Variants in VGLL2 observed in about 807,000 individuals in gnomAD.
VGLL2 encodes transcription cofactor vestigial-like protein 2.
VGLL2 carries 18 observed loss-of-function variants against 27.0 expected under a neutral mutation model. The observed-to-expected ratio is 0.67, with a 90% confidence interval of 0.46 to 0.99. The LOEUF is 0.99. Ranked by LOEUF, VGLL2 falls within the 50% of genes least tolerant of loss-of-function variation. VGLL2 has a pLI of 0.00. For missense variants in VGLL2, 491 were observed against 452.3 expected (o/e 1.09, Z -0.78); for synonymous variants, 220 against 201.1 (o/e 1.09, Z -0.80).
In VGLL2 at chr6:117,270,937, C is replaced by T. The variant is rs2128517291; in HGVS notation, c.786C>T (p.Pro262=). 1.6e-6 allele frequency: 2 copies of T among 1,240,108 alleles called. No homozygotes were observed. The highest frequency in any genetic ancestry group is 3.3e-5 in the East Asian group (1 of 30,098). 76.8% of individuals were successfully genotyped at this position (1,240,108 alleles called of 1,614,324 possible). Residue 262 remains proline, a synonymous_variant, in exon 3 of 4, where the codon CCC becomes CCT. Transcript: ENST00000326274. The part of the protein sequence containing the change: ...ARLATAPAPA[P]GSPPCELSGK... ...TCGCAACCGCCCCGGCGCCCGCGCC[C>T]GGCAGTCCTCCCTGCGAGCTCTCCG...
intron 1 of VGLL2, 42 bp downstream of exon 1, chr6:117,265,886 C>A (rs1422460322): frequency 2.5e-6 from 4 of 1,577,750 alleles, no homozygotes; most frequent in Non-Finnish European, 3.5e-6. Context: ...AGTGCGCGCC[C>A]CCCGTTTGCG....
At chr6:117,267,882 G>A (rs1437450915) in intron 1 of VGLL2, among the ~76,000 whole-genome samples, 3 of 152,156 alleles carry the variant, frequency 2.0e-5, no homozygotes, top group Non-Finnish European at 1.5e-5. Flanking sequence ...TCTAAACCTA[G>A]CTGCTTAGGT....
In VGLL2 at chr6:117,272,671, C is replaced by A; in HGVS notation, c.*177C>A. The A allele has an allele frequency of 1.2e-6, 1 of 860,970 alleles. No individual in the cohort carries two copies. Among genetic ancestry groups the A allele is most frequent in the Non-Finnish European group, 1.8e-6 (1 of 569,822 alleles). The allele number at this position is 860,970 out of a possible 1,614,324, so 53.3% of individuals were successfully genotyped here. A position where few individuals can be genotyped will look rare whatever the true frequency, so the allele number is the denominator to read the frequency against. ...GAAATTCATCTAAAAATAAGTCCTG[C>A]TGCTGAAAGAGCAAATCCAAAGACT... On this transcript the variant is annotated 3_prime_UTR_variant, in exon 4 of 4. Coordinates refer to ENST00000326274, the MANE Select transcript of VGLL2 (RefSeq NM_182645.3).
chr6:117,265,710 C>A lies in VGLL2; in HGVS notation c.-54C>A, dbSNP rs186754111. The A allele has an allele frequency of 6.5e-6, 10 of 1,532,408 alleles. No homozygotes were observed. In the Admixed American group the frequency reaches 1.7e-4, roughly 26 times the overall value. 94.9% of individuals were successfully genotyped at this position (1,532,408 alleles called of 1,614,324 possible). A position where few individuals can be genotyped will look rare whatever the true frequency, so the allele number is the denominator to read the frequency against. On this transcript the variant is annotated 5_prime_UTR_variant, in exon 1 of 4. Coordinates refer to ENST00000326274, the MANE Select transcript of VGLL2 (RefSeq NM_182645.3). ...GCCGCCCATGCAGCACCCCTGAGCTCCGGGGAAGGAGAGTTAATGAAAAAA... is the reference window on the plus strand; with the variant it reads ...GCCGCCCATGCAGCACCCCTGAGCTACGGGGAAGGAGAGTTAATGAAAAAA...
rs533892146 is a variant in VGLL2, at chr6:117,272,599, A to G, written c.*105A>G. The G allele has an allele frequency of 1.2e-5, 19 of 1,520,854 alleles. No homozygotes were observed. The highest frequency in any genetic ancestry group is 2.1e-4 in the Middle Eastern group (1 of 4,726). 94.2% of individuals were successfully genotyped at this position (1,520,854 alleles called of 1,614,324 possible). The stretch of plus-strand genomic sequence containing the variant: ...GATGAGGACATGGGGGAAGGCAGAG[A>G]CTTCAGACTTCTCAGTGTGTTGGGA... On this transcript the variant is annotated 3_prime_UTR_variant, in exon 4 of 4. Transcript: ENST00000326274.
At position 117,268,244 on chromosome 6, in the gene VGLL2, T is replaced by G. The variant is rs1246949349; in HGVS notation, c.144T>G (p.Ser48Arg). ...AQECNASPSS[S>R]GSGSSSFSSQ... Reference sequence around the variant, plus strand: ...AGTGCAATGCCAGCCCCAGCAGCAGTGGCAGCGGCAGCTCCTCATTTTCCA... The same window carrying G: ...AGTGCAATGCCAGCCCCAGCAGCAGGGGCAGCGGCAGCTCCTCATTTTCCA... The change falls in exon 2 of 4, where the codon AGT becomes AGG. Residue 48 changes from serine to arginine, a missense_variant. By Grantham distance (110) the Ser-to-Arg change is moderately radical (BLOSUM62 -1). Transcript: ENST00000326274. 6.2e-7 allele frequency: 1 copy of G among 1,613,944 alleles called. No homozygotes were observed. Among genetic ancestry groups the G allele is most frequent in the African/African-American group, 1.3e-5 (1 of 74,914 alleles).
intron 3 of VGLL2, chr6:117,272,191 T>G: frequency 2.2e-6 from 1 of 454,718 alleles, no homozygotes; most frequent in Non-Finnish European, 2.9e-6. Flanking sequence ...GTCTTCCTCC[T>G]CCTCCTCTTC....
At chr6:117,268,531 C>T (rs1005013111) in intron 2 of VGLL2, 40 bp downstream of exon 2, 4 of 1,515,584 alleles carry the variant, frequency 2.6e-6, no homozygotes, top group Non-Finnish European at 2.6e-6. Flanking sequence ...CATAGGGGGT[C>T]CTCTCAGCCT....
At chr6:117,269,595 T>G (rs1424035814) in intron 2 of VGLL2, among the ~76,000 whole-genome samples, 1 of 152,184 alleles carries the variant, frequency 6.6e-6, no homozygotes, top group African/African-American at 2.4e-5. Flanking sequence ...TTCAAATCAT[T>G]TAAAATTCTC....
At chr6:117,270,447 C>T in intron 2 of VGLL2, 96 bp from the exon 3 acceptor site, 3 of 1,408,450 alleles carry the variant, frequency 2.1e-6, no homozygotes, top group South Asian at 3.0e-5. Flanking sequence ...GCGCCTTCGT[C>T]TCTCGGGCGG....
At position 117,270,677 on chromosome 6, in the gene VGLL2, C is replaced by T. The variant is rs1293217633; in HGVS notation, c.526C>T (p.Pro176Ser). Residue 176 changes from proline (P) to serine (S), a missense_variant, in exon 3 of 4, where the codon CCC (proline) becomes TCC (serine). Physicochemically the swap from Pro to Ser is moderately conservative, Grantham distance 74 (BLOSUM62 -1). Transcript: ENST00000326274. ...HSELPFAAADPYSPAALHGHL... is the reference protein window; with the variant it reads ...HSELPFAAADSYSPAALHGHL... Reference sequence around the variant, plus strand: ...GGAGCTGCCCTTCGCCGCCGCCGACCCCTACTCGCCCGCCGCGCTGCATGG... The same window carrying T: ...GGAGCTGCCCTTCGCCGCCGCCGACTCCTACTCGCCCGCCGCGCTGCATGG... 16 of 1,547,210 alleles carry T rather than the reference C, an allele frequency of 1.0e-5. No individual in the cohort carries two copies. Among genetic ancestry groups the T allele is most frequent in the Non-Finnish European group, 1.4e-5 (16 of 1,154,640 alleles).
chr6:117,267,231 A>G (rs1773085696), intron 1 of VGLL2, among the ~76,000 whole-genome samples: 1 of 152,198 alleles, frequency 6.6e-6, no homozygotes, highest in Admixed American at 6.5e-5. Context: ...CGCCTCTTCA[A>G]GGCCATCTCT....
chr6:117,271,868 A>G (rs1050766939), intron 3 of VGLL2, among the ~76,000 whole-genome samples: 2 of 152,226 alleles, frequency 1.3e-5, no homozygotes, highest in Non-Finnish European at 2.9e-5. Context: ...TCTTTGGCTT[A>G]AAGTATTTGC....
chr6:117,267,122 G>C (rs1385690700), intron 1 of VGLL2, among the ~76,000 whole-genome samples: 1 of 152,162 alleles, frequency 6.6e-6, no homozygotes, highest in Non-Finnish European at 1.5e-5. Flanking sequence ...AAGCAAAGAG[G>C]AGAGAGGTGG....
chr6:117,268,030 C>A, intron 1 of VGLL2, 152 bp from the exon 2 acceptor site: 1 of 826,580 alleles, frequency 1.2e-6, no homozygotes. Flanking sequence ...TGTTGCCCCG[C>A]TATTGCTAGT....
intron 2 of VGLL2, 152 bp from the exon 3 acceptor site, chr6:117,270,391 C>G: frequency 1.0e-6 from 1 of 990,780 alleles, no homozygotes; most frequent in South Asian, 1.9e-5. Context: ...GAGGCGGGGG[C>G]TGCCCATCAG....
At position 117,272,460 on chromosome 6, in the gene VGLL2, G is replaced by A; in HGVS notation, c.920G>A (p.Arg307His). ...TTCTGATCTTGGTTTGCAGCTCGTC[G>A]TTATTCCCTCTGTGGTGCATCCCTC... ...GLGLSVDSAR[R>H]YSLCGASLLS is the part of the protein sequence containing the mutation. The change falls in exon 4 of 4, where the codon CGT becomes CAT. Residue 307 changes from arginine (R) to histidine (H), a missense_variant. Coordinates refer to ENST00000326274, the MANE Select transcript of VGLL2 (RefSeq NM_182645.3). The A allele has an allele frequency of 4.3e-6, 7 of 1,614,146 alleles. No homozygotes were observed. The highest frequency in any genetic ancestry group is 5.1e-6 in the Non-Finnish European group (6 of 1,180,040).
chr6:117,272,161 C>G, intron 3 of VGLL2: 3 of 216,264 alleles, frequency 1.4e-5, no homozygotes, highest in Non-Finnish European at 2.3e-5. Flanking sequence ...CTCCCCCATT[C>G]CTTCTTTCTC....
Position 117,265,596 on chromosome 6 carries a change from G to T in VGLL2, c.-168G>T, listed in dbSNP as rs1029901081. Reference sequence around the variant, plus strand: ...AGCGCGGTCGGGAGTAAAATCGCAGGAGTGGGAGGGTAGCGAGCCAGCTGG... The same window carrying T: ...AGCGCGGTCGGGAGTAAAATCGCAGTAGTGGGAGGGTAGCGAGCCAGCTGG... On this transcript the variant is annotated 5_prime_UTR_variant, in exon 1 of 4. Transcript: ENST00000326274. 13 of 635,914 alleles carry T rather than the reference G, an allele frequency of 2.0e-5. No individual in the cohort carries two copies. The African/African-American group carries it at 2.4e-4, about 12-fold the overall frequency. The allele number at this position is 635,914 out of a possible 1,614,324, so 39.4% of individuals were successfully genotyped here.
Sources: gnomAD v4.1 joint callset for allele counts (sites outside exome capture counted in the v4.1 genomes callset) on GRCh38, gnomAD v4.1.1 for gene constraint, MANE v1.5 for transcripts, NCBI Gene and HGNC (gene_info 2026-07-23, HGNC 2026-07-21) for gene names.